Variants in PSME4 observed in about 807,000 individuals in gnomAD.
PSME4 encodes proteasome activator subunit 4, also known as proteasome activator complex subunit 4.
A neutral mutation model predicts 253.9 loss-of-function variants in PSME4; 89 were observed. That is an observed-to-expected ratio of 0.35 (90% CI 0.30 to 0.42). The LOEUF (loss-of-function observed/expected upper bound fraction) is 0.42, where lower values mean the gene tolerates loss of function less well. Ranked by LOEUF, PSME4 falls within the 10% of genes least tolerant of loss-of-function variation. The pLI, the probability that PSME4 is intolerant of heterozygous loss-of-function variation, is 1.00. For synonymous variants in PSME4, 851 were observed against 759.2 expected (o/e 1.12, Z -1.99); for missense variants, 2,014 against 2,195.2 (o/e 0.92, Z 1.65).
chr2:53,940,036 G>A (rs751376974), intron 3 of PSME4, 36 bp from the exon 4 acceptor site: 3 of 1,456,560 alleles, frequency 2.1e-6, no homozygotes, highest in Non-Finnish European at 2.8e-6. Context: ...TTAGATTGGT[G>A]TATTTTAAGA....
chr2:53,949,444 TTG>T (rs1669874402), intron 1 of PSME4, among the ~76,000 whole-genome samples, 161 bp from the exon 2 acceptor site: 1 of 142,432 alleles, frequency 7.0e-6, no homozygotes, highest in Non-Finnish European at 1.6e-5. Context: ...CAATGGATTA[TTG>T]TCTTTTTTTT....
At chr2:53,924,073 T>C (rs1419035290) in intron 14 of PSME4, among the ~76,000 whole-genome samples, 1 of 152,178 alleles carries the variant, frequency 6.6e-6, no homozygotes, top group Admixed American at 6.5e-5. Context: ...GAATACCTAA[T>C]ACAATTTGTC....
Position 53,872,741 on chromosome 2 carries a change from C to CAAA in PSME4, c.5100+1595_5100+1597dup, listed in dbSNP as rs61308177. On this transcript the variant is annotated intron_variant, in intron 43 of 46. Coordinates refer to ENST00000404125, the MANE Select transcript of PSME4 (RefSeq NM_014614.3). ...TGGACAACAAAGCAAGACTTGGTCTCAAAAAAAAAAAAAAAAAAAAAAAAA... is the reference window on the plus strand; with the variant it reads ...TGGACAACAAAGCAAGACTTGGTCTCAAAAAAAAAAAAAAAAAAAAAAAAAAAA... Among the ~76,000 whole-genome samples the CAAA allele has an allele frequency of 5.0e-4, 24 of 48,012 alleles. 1 individual carries two copies. The highest frequency in any genetic ancestry group is 1.4e-3 in the African/African-American group (18 of 12,632). The allele number at this position is 48,012 out of a possible 152,430, so 31.5% of individuals were successfully genotyped here.
intron 14 of PSME4, 110 bp from the exon 15 acceptor site, chr2:53,923,529 T>A (rs989823662): frequency 7.6e-7 from 1 of 1,320,816 alleles, no homozygotes; most frequent in Non-Finnish European, 1.0e-6. Flanking sequence ...AATAAGCCCA[T>A]AGGCAATTTT....
At chr2:53,903,899 A>C (rs1398917610) in intron 27 of PSME4, 126 bp downstream of exon 27, 7 of 784,642 alleles carry the variant, frequency 8.9e-6, no homozygotes, top group Non-Finnish European at 1.4e-5. Context: ...CGATAAAGCA[A>C]ATACAGCAAA....
rs147039305 is a variant in PSME4 at position 53,936,131 on chromosome 2, T to C, written c.790A>G (p.Thr264Ala). The stretch of plus-strand genomic sequence containing the variant: ...CAATCTATGTACCCTATATTATCTG[T>C]AGCCAATCGAGCAAAGAGATTTACT... ...QLVNLFARLA[T>A]DNIGYIDWDP... The change falls in exon 7 of 47, where the codon ACA (threonine) becomes GCA (alanine). Residue 264 changes from threonine to alanine, a missense_variant. Thr to Ala is a moderately conservative substitution (Grantham distance 58). Around this residue, in one of 4 missense-constraint regions of PSME4, gnomAD observed 615 missense variants for 594.4 expected, o/e 1.03. Transcript: ENST00000404125. 4.3e-6 allele frequency: 7 copies of C among 1,613,644 alleles called. No homozygotes were observed. The highest frequency in any genetic ancestry group is 2.2e-5 in the East Asian group (1 of 44,850).
intron 6 of PSME4, 82 bp from the exon 7 acceptor site, chr2:53,936,243 T>G (rs551958368): frequency 2.2e-5 from 34 of 1,569,238 alleles, no homozygotes; most frequent in Non-Finnish European, 2.8e-5. Context: ...CTCCATTTGT[T>G]CTTTTTGGCA....
intron 43 of PSME4, among the ~76,000 whole-genome samples, chr2:53,872,008 C>T (rs1678901658): frequency 6.6e-6 from 1 of 151,936 alleles, no homozygotes; most frequent in Admixed American, 6.6e-5. Flanking sequence ...GAGTGAAACT[C>T]CCTCTCCAAA....
At chr2:53,945,780 A>G (rs1382922038) in intron 3 of PSME4, among the ~76,000 whole-genome samples, 1 of 152,262 alleles carries the variant, frequency 6.6e-6, no homozygotes, top group Non-Finnish European at 1.5e-5. Context: ...GTATGAACAC[A>G]TGTAGTCAGC....
chr2:53,881,515 C>T (rs1225819491), intron 41 of PSME4: 1 of 152,032 alleles, frequency 6.6e-6, no homozygotes, highest in Admixed American at 6.6e-5. Flanking sequence ...CTGTGAGGGA[C>T]ACTGATATTA....
chr2:53,926,296 TTTCAAAC>T (rs1342093186), intron 12 of PSME4, among the ~76,000 whole-genome samples: 2 of 152,160 alleles, frequency 1.3e-5, no homozygotes, highest in African/African-American at 4.8e-5. Context: ...TAAATTCAGT[TTTCAAAC>T]TGCTGATTTT....
chr2:53,901,516 A>G lies in PSME4; in HGVS notation c.3119T>C (p.Leu1040Ser). Reference protein sequence around the residue: ...CLLGNHSGVCLANLHDWDCIV... With the variant: ...CLLGNHSGVCSANLHDWDCIV... ...ACAGTCCCAATCATGAAGGTTTGCCAAGCACACACCACTGTGATTTCCAAG... is the reference window on the plus strand; with the variant it reads ...ACAGTCCCAATCATGAAGGTTTGCCGAGCACACACCACTGTGATTTCCAAG... Residue 1040 changes from leucine (L) to serine (S), a missense_variant, in exon 28 of 47, where the codon TTG (leucine) becomes TCG (serine). Physicochemically the swap from Leu to Ser is moderately radical, Grantham distance 145. Transcript: ENST00000404125. 1 of 1,613,900 alleles carries G rather than the reference A, an allele frequency of 6.2e-7. No homozygotes were observed. Among genetic ancestry groups the G allele is most frequent in the Non-Finnish European group, 8.5e-7 (1 of 1,179,822 alleles).
At chr2:53,955,689 C>T (rs1455553001) in intron 1 of PSME4, among the ~76,000 whole-genome samples, 1 of 152,076 alleles carries the variant, frequency 6.6e-6, no homozygotes, top group East Asian at 1.9e-4. Context: ...TCGGAGGCCA[C>T]GGCAAGCAGA....
chr2:53,927,926 G>C (rs748437371), intron 11 of PSME4, among the ~76,000 whole-genome samples, 191 bp downstream of exon 11: 11 of 152,090 alleles, frequency 7.2e-5, no homozygotes, highest in Non-Finnish European at 1.3e-4. Flanking sequence ...CTCCAGTTTA[G>C]GTGACAGACC....
chr2:53,923,241 A>G, intron 15 of PSME4, 80 bp downstream of exon 15: 1 of 1,489,862 alleles, frequency 6.7e-7, no homozygotes, highest in South Asian at 1.3e-5. Flanking sequence ...TTTTAAGCAT[A>G]GAAGCACCTC....
intron 30 of PSME4, 122 bp from the exon 31 acceptor site, chr2:53,898,121 T>C (rs805416): frequency 0.42 from 527,511 of 1,248,582 alleles, 113,036 homozygotes; most frequent in African/African-American, 0.54. Flanking sequence ...TAGTGAAGAA[T>C]ACTGCTCCTA....
intron 10 of PSME4, 21 bp from the exon 11 acceptor site, chr2:53,928,324 T>C (rs767782465): frequency 6.3e-7 from 1 of 1,592,200 alleles, no homozygotes; most frequent in Admixed American, 1.7e-5. Flanking sequence ...AAAACAGAAT[T>C]TTTAAAGTCT....
intron 10 of PSME4, among the ~76,000 whole-genome samples, chr2:53,929,595 A>T (rs1325806271): frequency 5.6e-5 from 8 of 141,708 alleles, no homozygotes; most frequent in Admixed American, 1.4e-4. Context: ...CTAGCTGCTT[A>T]TTTTTTTTTT....
intron 1 of PSME4, among the ~76,000 whole-genome samples, chr2:53,952,721 G>C (rs190286963): frequency 5.1e-4 from 78 of 152,320 alleles, no homozygotes; most frequent in African/African-American, 1.8e-3. Flanking sequence ...CCTTGCACGG[G>C]CAGTTCACAA....
Sources: allele counts gnomAD v4.1 joint callset (sites outside exome capture counted in the v4.1 genomes callset), GRCh38; gene constraint gnomAD v4.1.1; regional missense constraint gnomAD v4.1.1; transcripts MANE v1.5; gene names NCBI Gene and HGNC (gene_info 2026-07-23, HGNC 2026-07-21).